ZNF140: variants seen among roughly 807,000 people sequenced by gnomAD.
The protein encoded by ZNF140 is zinc finger protein 140 (clone pHZ-39).
ZNF140 carries 13 observed loss-of-function variants against 12.9 expected under a neutral mutation model. That is an observed-to-expected ratio of 1.01 (90% confidence interval 0.66 to 1.60). The LOEUF (loss-of-function observed/expected upper bound fraction) is 1.60, where lower values mean the gene tolerates loss of function less well. ZNF140 is among the 40% of genes most tolerant of loss of function. The pLI is 0.00. For missense variants in ZNF140, 531 were observed against 548.8 expected, an observed-to-expected ratio of 0.97 and a Z score of 0.32; for synonymous variants, 214 against 186.7, an observed-to-expected ratio of 1.15 and a Z score of -1.19.
Position 133,106,216 on chromosome 12 carries a change from C to G in ZNF140, c.939C>G (p.Phe313Leu), listed in dbSNP as rs2137594844. 1 of 1,614,208 alleles carries G rather than the reference C, an allele frequency of 6.2e-7. No individual in the cohort carries two copies. The highest frequency in any genetic ancestry group is 8.5e-7 in the Non-Finnish European group (1 of 1,180,034). The change falls in exon 5 of 5, where the codon TTC (phenylalanine) becomes TTG (leucine). Residue 313 changes from phenylalanine to leucine, a missense_variant. Coordinates refer to ENST00000355557, the MANE Select transcript of ZNF140 (RefSeq NM_003440.4). ...AATGTGGGAAGGCATTTCGCCGTTT[C>G]TCACACCTTACTCGACATCAGAGCA... is the stretch of plus-strand genomic sequence containing the variant. ...CIECGKAFRR[F>L]SHLTRHQSIH... is the part of the protein sequence containing the mutation.
intron 4 of ZNF140, among the ~76,000 whole-genome samples, chr12:133,090,297 C>T (rs1286671532): frequency 6.6e-6 from 1 of 152,032 alleles, no homozygotes; most frequent in African/African-American, 2.4e-5. Flanking sequence ...TGCCAACACT[C>T]CTGACTAAAT....
intron 4 of ZNF140, among the ~76,000 whole-genome samples, chr12:133,091,399 T>G (rs1235531014): frequency 6.6e-6 from 1 of 151,258 alleles, no homozygotes; most frequent in Non-Finnish European, 1.5e-5. Flanking sequence ...CCAGGTTGGG[T>G]CAAAGTGGCT....
intron 4 of ZNF140, among the ~76,000 whole-genome samples, chr12:133,091,163 A>T (rs1566308571): frequency 2.0e-5 from 3 of 150,072 alleles, no homozygotes; most frequent in Admixed American, 6.6e-5. Context: ...ACGAGGCCAT[A>T]TTTCAGACTC....
intron 4 of ZNF140, among the ~76,000 whole-genome samples, chr12:133,091,126 G>C (rs781493065): frequency 3.3e-5 from 5 of 149,746 alleles, no homozygotes; most frequent in Admixed American, 6.6e-5. Flanking sequence ...GTGTCGGGCT[G>C]GGGGACGGTC....
At chr12:133,089,493 T>G (rs1051949263) in intron 4 of ZNF140, among the ~76,000 whole-genome samples, 1 of 152,210 alleles carries the variant, frequency 6.6e-6, no homozygotes, top group African/African-American at 2.4e-5. Flanking sequence ...GGATTGTAAG[T>G]GTGAGCCACC....
At position 133,081,348 on chromosome 12, in the gene ZNF140, A is replaced by AATATATATATATATATAT. The variant is rs368640870; in HGVS notation, c.9+25_9+42dup. 6.1e-3 allele frequency: 1,939 copies of AATATATATATATATATAT among 318,508 alleles called. 89 individuals are homozygous for AATATATATATATATATAT. Among genetic ancestry groups the AATATATATATATATATAT allele is most frequent in the African/African-American group, 9.4e-3 (305 of 32,490 alleles). 19.7% of individuals were successfully genotyped at this position (318,508 alleles called of 1,614,324 possible). On this transcript the variant is annotated intron_variant, in intron 2 of 4. Transcript: ENST00000355557. ...GTCTCAGGTAAGCTAATGATTGATA[A>AATATATATATATATATAT]ATATATATATATATATATATATAAA... is the stretch of plus-strand genomic sequence containing the variant.
chr12:133,088,442 C>G (rs1954753948), intron 4 of ZNF140, among the ~76,000 whole-genome samples: 1 of 152,176 alleles, frequency 6.6e-6, no homozygotes, highest in Non-Finnish European at 1.5e-5. Flanking sequence ...CTTGATAGCT[C>G]TTTCTTTTTA....
chr12:133,087,432 A>G lies in ZNF140; in HGVS notation c.232+3871A>G, dbSNP rs1320458256. On this transcript the variant is annotated intron_variant, in intron 4 of 4. Transcript: ENST00000355557. ...GAGTATCATAGTCAAGAGGCTTCAA[A>G]TGCATATTCCTAGGCCCCACCCTGG... 2.0e-5 allele frequency among the ~76,000 whole-genome samples: 3 copies of G among 151,950 alleles called. No individual in the cohort carries two copies. The East Asian group carries it at 5.8e-4, about 29-fold the overall frequency.
At chr12:133,084,229 C>A in intron 4 of ZNF140, 2 of 392,040 alleles carry the variant, frequency 5.1e-6, no homozygotes, top group East Asian at 8.1e-5. Context: ...CTGAATTCAA[C>A]CTGAGAAAGA....
chr12:133,095,745 CTATGTCATAATTAGGTTT>C (rs1955069532), intron 4 of ZNF140, among the ~76,000 whole-genome samples: 1 of 151,300 alleles, frequency 6.6e-6, no homozygotes, highest in Non-Finnish European at 1.5e-5. Context: ...GCAAAAGAAT[CTATGTCATAATTAGGTTT>C]AAGGGAAGGT....
At chr12:133,101,632 G>C (rs1230705704) in intron 4 of ZNF140, among the ~76,000 whole-genome samples, 2 of 152,056 alleles carry the variant, frequency 1.3e-5, no homozygotes, top group Non-Finnish European at 2.9e-5. Context: ...TTTTAGTAGA[G>C]ACGGGTTTCA....
chr12:133,092,300 G>A (rs77833295), intron 4 of ZNF140, among the ~76,000 whole-genome samples: 41,022 of 150,534 alleles, frequency 0.27, 6,637 homozygotes, highest in Non-Finnish European at 0.3. Flanking sequence ...AGGGATCCTC[G>A]CACCCTCTCT....
intron 4 of ZNF140, among the ~76,000 whole-genome samples, chr12:133,100,539 C>T (rs1182505956): frequency 6.6e-6 from 1 of 152,182 alleles, no homozygotes; most frequent in Non-Finnish European, 1.5e-5. Context: ...TGAGGTGCAA[C>T]AGCGAAACTA....
chr12:133,095,808 G>T (rs1955075975), intron 4 of ZNF140, among the ~76,000 whole-genome samples: 1 of 151,970 alleles, frequency 6.6e-6, no homozygotes, highest in Admixed American at 6.6e-5. Flanking sequence ...CCAGATTTAT[G>T]TTTCTCTCCA....
At position 133,105,696 on chromosome 12, in the gene ZNF140, TA is replaced by T; in HGVS notation, c.421del (p.Thr141GlnfsTer12). The part of the protein sequence containing the change: ...LQENQGCIRK[V>X]TVSHQEALAQ... ...GAAAATCAGGGATGTATTAGGAAAG[TA>T]ACAGTCTCTCATCAAGAAGCCCTGG... On this transcript the variant is annotated frameshift_variant, in exon 5 of 5. Transcript: ENST00000355557. LOFTEE classifies it low-confidence loss of function (END_TRUNC). 1 of 1,614,168 alleles carries T rather than the reference TA, an allele frequency of 6.2e-7. No homozygotes were observed. Among genetic ancestry groups the T allele is most frequent in the Non-Finnish European group, 8.5e-7 (1 of 1,180,032 alleles).
chr12:133,085,490 G>T (rs1433615738), intron 4 of ZNF140, among the ~76,000 whole-genome samples: 2 of 152,124 alleles, frequency 1.3e-5, no homozygotes, highest in Non-Finnish European at 2.9e-5. Flanking sequence ...CGTGACCAAG[G>T]TCAATAAACA....
At chr12:133,083,984 G>A (rs1372487097) in intron 4 of ZNF140, 2 of 285,228 alleles carry the variant, frequency 7.0e-6, no homozygotes, top group Non-Finnish European at 6.7e-6. Flanking sequence ...GATACCAGAG[G>A]TATAAAGACT....
chr12:133,103,028 CTTTTTAA>C (rs1955413999), intron 4 of ZNF140, among the ~76,000 whole-genome samples: 1 of 151,968 alleles, frequency 6.6e-6, no homozygotes, highest in African/African-American at 2.4e-5. Context: ...ATTTTTTCTT[CTTTTTAA>C]TTGACACAAT....
In ZNF140 at chr12:133,083,577, G is replaced by A; in HGVS notation, c.232+16G>A. The A allele has an allele frequency of 6.3e-7, 1 of 1,599,892 alleles. No individual in the cohort carries two copies. The highest frequency in any genetic ancestry group is 8.5e-7 in the Non-Finnish European group (1 of 1,175,500). ...CTGTTTTCAGGTGAGTGAGTTGGAAGCTGATGGGGAAATTTTTTAAAACCA... is the reference window on the plus strand; with the variant it reads ...CTGTTTTCAGGTGAGTGAGTTGGAAACTGATGGGGAAATTTTTTAAAACCA... On this transcript the variant is annotated intron_variant, in intron 4 of 4. Coordinates refer to ENST00000355557, the MANE Select transcript of ZNF140 (RefSeq NM_003440.4).
Sources: gnomAD v4.1 joint callset for allele counts (sites outside exome capture counted in the v4.1 genomes callset) on GRCh38, gnomAD v4.1.1 for gene constraint, MANE v1.5 for transcripts, NCBI Gene and HGNC (gene_info 2026-07-23, HGNC 2026-07-21) for gene names.